Variants in CSMD1 observed in about 807,000 individuals in gnomAD.
CSMD1 encodes the protein CUB and Sushi multiple domains 1.
A neutral mutation model predicts 417.5 loss-of-function variants in CSMD1; 213 were observed. The observed-to-expected ratio is 0.51, with a 90% CI of 0.46 to 0.57. The LOEUF (loss-of-function observed/expected upper bound fraction) is 0.57. Among genes scored for constraint, CSMD1 ranks in the 20% least tolerant of loss-of-function variants. The pLI is 0.00. For synonymous variants in CSMD1, 2,862 were observed against 1,736.8 expected, an observed-to-expected ratio of 1.65 and a Z score of -16.11; for missense variants, 6,923 against 4,529.7, an observed-to-expected ratio of 1.53 and a Z score of -15.17.
At position 4,079,392 on chromosome 8, in the gene CSMD1, T is replaced by C. The variant is rs368730153; in HGVS notation, c.416-47293A>G. ...CTGTAATCAGGCATTCTATTCAGTT[T>C]TGTCATGTCTATTTTAACTCTGGCT... is the stretch of plus-strand genomic sequence containing the variant. On this transcript the variant is annotated intron_variant, in intron 3 of 69. Transcript: ENST00000635120. 3.3e-5 allele frequency among the ~76,000 whole-genome samples: 5 copies of C among 152,314 alleles called. No individual in the cohort carries two copies. The South Asian group carries it at 1.0e-3, about 32-fold the overall frequency.
intron 2 of CSMD1, among the ~76,000 whole-genome samples, chr8:4,486,725 G>T (rs1480835391): frequency 6.6e-6 from 1 of 150,646 alleles, no homozygotes; most frequent in African/African-American, 2.5e-5. Context: ...TACAAAGAGG[G>T]TTCCCCTTCA....
At chr8:3,390,552 G>A (rs192571634) in intron 17 of CSMD1, among the ~76,000 whole-genome samples, 10 of 151,772 alleles carry the variant, frequency 6.6e-5, no homozygotes, top group Non-Finnish European at 1.2e-4. Context: ...ACAGACCACC[G>A]GACTTTGTTG....
chr8:4,242,626 G>C (rs988110554), intron 3 of CSMD1, among the ~76,000 whole-genome samples: 3 of 152,104 alleles, frequency 2.0e-5, no homozygotes, highest in Non-Finnish European at 4.4e-5. Flanking sequence ...TAGTTCATGA[G>C]GCATCTTTGT....
chr8:4,693,018 C>T (rs753632634), intron 1 of CSMD1, among the ~76,000 whole-genome samples: 39 of 152,168 alleles, frequency 2.6e-4, no homozygotes, highest in Non-Finnish European at 5.1e-4. Context: ...AAAACGTCAA[C>T]TCCTGTCCAG....
At chr8:4,020,353 G>C (rs760559733) in intron 4 of CSMD1, among the ~76,000 whole-genome samples, 31 of 152,310 alleles carry the variant, frequency 2.0e-4, no homozygotes, top group Non-Finnish European at 2.6e-4. Flanking sequence ...CTGTGCTCAA[G>C]ACTGCAAGAT....
rs552496484 is a variant in CSMD1, at chr8:3,105,838, G to A, written c.6949+690C>T. On this transcript the variant is annotated intron_variant, in intron 46 of 69. Coordinates refer to ENST00000635120, the MANE Select transcript of CSMD1 (RefSeq NM_033225.6). ...AAATGGCTAGAAAGATAACAGATAG[G>A]CATGTGATAAAGGAAATACTTTGTA... Among the ~76,000 whole-genome samples, 7 of 152,294 alleles carry A rather than the reference G, an allele frequency of 4.6e-5. No individual in the cohort carries two copies. In the East Asian group the frequency reaches 1.3e-3, roughly 29 times the overall value.
At chr8:3,776,733 T>C (rs1798906635) in intron 5 of CSMD1, among the ~76,000 whole-genome samples, 1 of 149,264 alleles carries the variant, frequency 6.7e-6, no homozygotes, top group African/African-American at 2.5e-5. Context: ...ATTAGGTAGA[T>C]GACAGATAAA....
intron 4 of CSMD1, among the ~76,000 whole-genome samples, chr8:4,029,943 G>A (rs890960767): frequency 1.2e-4 from 18 of 152,116 alleles, no homozygotes; most frequent in Non-Finnish European, 2.4e-4. Context: ...GAATCCAGTG[G>A]GGCAGTCAAA....
At chr8:3,764,800 G>A (rs73498846) in intron 5 of CSMD1, among the ~76,000 whole-genome samples, 1 of 147,878 alleles carries the variant, frequency 6.8e-6, no homozygotes, top group Non-Finnish European at 1.5e-5. Context: ...AGGCTGGAGT[G>A]CAGGGGCACC....
intron 1 of CSMD1, among the ~76,000 whole-genome samples, chr8:4,808,915 A>T (rs987918834): frequency 6.6e-6 from 1 of 152,204 alleles, no homozygotes. Context: ...ACTGAGCTGG[A>T]TTATTTGGGG....
chr8:3,320,974 G>A (rs1806115709), intron 23 of CSMD1, among the ~76,000 whole-genome samples: 1 of 152,092 alleles, frequency 6.6e-6, no homozygotes, highest in Non-Finnish European at 1.5e-5. Flanking sequence ...CAACATTTTT[G>A]GAAATAAAGG....
intron 2 of CSMD1, among the ~76,000 whole-genome samples, chr8:4,635,964 T>A (rs1179098249): frequency 6.6e-6 from 1 of 151,988 alleles, no homozygotes; most frequent in Non-Finnish European, 1.5e-5. Flanking sequence ...AAACTAGGTG[T>A]TTGAAAGTGG....
chr8:4,178,579 A>G (rs1017952113), intron 3 of CSMD1, among the ~76,000 whole-genome samples: 61 of 151,642 alleles, frequency 4.0e-4, no homozygotes, highest in Non-Finnish European at 7.8e-4. Context: ...AGTTCTGGCC[A>G]GGGCAATTAG....
chr8:4,491,486 T>C (rs540358031), intron 2 of CSMD1, among the ~76,000 whole-genome samples: 1 of 152,302 alleles, frequency 6.6e-6, no homozygotes, highest in South Asian at 2.1e-4. Flanking sequence ...CTTTTGTTGG[T>C]GTATCATTTT....
chr8:4,512,610 A>G (rs1802882436), intron 2 of CSMD1, among the ~76,000 whole-genome samples: 1 of 152,194 alleles, frequency 6.6e-6, no homozygotes, highest in Non-Finnish European at 1.5e-5. Flanking sequence ...AGTTAACACT[A>G]ATGCACAAAA....
chr8:4,021,026 A>G (rs552436782), intron 4 of CSMD1, among the ~76,000 whole-genome samples: 15 of 151,098 alleles, frequency 9.9e-5, no homozygotes, highest in African/African-American at 3.1e-4. Flanking sequence ...AAACCCTACA[A>G]CGTAAGTGAG....
intron 22 of CSMD1, among the ~76,000 whole-genome samples, chr8:3,345,485 A>G (rs1451206810): frequency 6.6e-6 from 1 of 152,160 alleles, no homozygotes; most frequent in Non-Finnish European, 1.5e-5. Context: ...TTTCGCACTG[A>G]TCACAAATAA....
intron 12 of CSMD1, among the ~76,000 whole-genome samples, chr8:3,425,876 C>G (rs1450638345): frequency 6.6e-6 from 1 of 152,040 alleles, no homozygotes; most frequent in Admixed American, 6.6e-5. Flanking sequence ...AAGATGACCA[C>G]AAAAGATTTT....
chr8:4,534,255 T>C (rs542022115), intron 2 of CSMD1, among the ~76,000 whole-genome samples: 82 of 152,308 alleles, frequency 5.4e-4, no homozygotes, highest in African/African-American at 1.8e-3. Context: ...GCCCCAAGGA[T>C]GCTGAAGGAC....
Sources: gnomAD v4.1 joint callset for allele counts (sites outside exome capture counted in the v4.1 genomes callset) on GRCh38, gnomAD v4.1.1 for gene constraint, MANE v1.5 for transcripts, NCBI Gene and HGNC (gene_info 2026-07-23, HGNC 2026-07-21) for gene names.